The following RAB11FIP3 variants were observed in gnomAD, a reference collection of about 807,000 sequenced individuals.
RAB11FIP3 encodes the protein RAB11 family interacting protein 3.
Under a neutral mutation model 77.8 loss-of-function variants are expected in RAB11FIP3, and 17 were observed. The observed-to-expected ratio is 0.22, with a 90% CI of 0.15 to 0.33. The LOEUF is 0.33. Ranked by LOEUF, RAB11FIP3 falls within the 10% of genes least tolerant of loss-of-function variation. The pLI, the probability that RAB11FIP3 is intolerant of heterozygous loss-of-function variation, is 1.00. For synonymous variants in RAB11FIP3, 437 were observed against 448.2 expected, an observed-to-expected ratio of 0.98 and a Z score of 0.31; for missense variants, 1,005 against 1,011.2, an observed-to-expected ratio of 0.99 and a Z score of 0.08.
At chr16:428,573 G>C (rs2054988576) in intron 1 of RAB11FIP3, among the ~76,000 whole-genome samples, 1 of 152,080 alleles carries the variant, frequency 6.6e-6, no homozygotes. Flanking sequence ...GAGATAGTAG[G>C]TAAGCAGGAT....
At chr16:437,528 C>G (rs2055149846) in intron 1 of RAB11FIP3, among the ~76,000 whole-genome samples, 1 of 147,798 alleles carries the variant, frequency 6.8e-6, no homozygotes, top group Non-Finnish European at 1.5e-5. Context: ...TGAGATAGTG[C>G]CATTGCGCTC....
At chr16:454,186 CA>C (rs2055457769) in intron 1 of RAB11FIP3, among the ~76,000 whole-genome samples, 1 of 152,148 alleles carries the variant, frequency 6.6e-6, no homozygotes, top group African/African-American at 2.4e-5. Flanking sequence ...CATCTAGAGC[CA>C]ACTCTGAGCA....
chr16:445,549 CT>C (rs1426044599), intron 1 of RAB11FIP3, among the ~76,000 whole-genome samples: 1 of 152,208 alleles, frequency 6.6e-6, no homozygotes, highest in Non-Finnish European at 1.5e-5. Context: ...ATTCTATAAT[CT>C]CCCCCTTGCC....
chr16:434,781 T>C (rs1271350802), intron 1 of RAB11FIP3, among the ~76,000 whole-genome samples: 1 of 152,016 alleles, frequency 6.6e-6, no homozygotes. Context: ...TTGTTAAGGA[T>C]GGCCGGACGC....
chr16:488,948 A>C lies in RAB11FIP3; in HGVS notation c.1213A>C (p.Thr405Pro). The change falls in exon 5 of 14, where the codon ACC becomes CCC. Residue 405 changes from threonine to proline, a missense_variant. Thr to Pro is a conservative substitution (Grantham distance 38). Transcript: ENST00000262305. The part of the protein sequence containing the change: ...EGSEAELSPE[T>P]LCNGQLGCSD... ...CAGTGAGGCGGAGCTGTCCCCAGAG[A>C]CCCTATGCAACGGGCAGCTGGGCTG... is the stretch of plus-strand genomic sequence containing the variant. The C allele has an allele frequency of 6.2e-7, 1 of 1,613,704 alleles. No individual in the cohort carries two copies. The highest frequency in any genetic ancestry group is 1.7e-5 in the Admixed American group (1 of 59,976).
Position 426,437 on chromosome 16 carries a change from G to T in RAB11FIP3, c.431G>T (p.Arg144Leu). 2 of 1,584,774 alleles carry T rather than the reference G, an allele frequency of 1.3e-6. No homozygotes were observed. Among genetic ancestry groups the T allele is most frequent in the Non-Finnish European group, 1.7e-6 (2 of 1,167,018 alleles). ...PASCPESAPF[R>L]LQGSSSSHRA... Reference sequence around the variant, plus strand: ...AGCTGCCCGGAGAGCGCGCCTTTCCGCTTGCAGGGGTCCAGCAGCAGCCAC... The same window carrying T: ...AGCTGCCCGGAGAGCGCGCCTTTCCTCTTGCAGGGGTCCAGCAGCAGCCAC... The change falls in exon 1 of 14, where the codon CGC becomes CTC. Residue 144 changes from arginine to leucine, a missense_variant. Around this residue, in one of 4 missense-constraint regions of RAB11FIP3, gnomAD observed 466 missense variants for 408.3 expected, o/e 1.14. Transcript: ENST00000262305. This position sits in a 1 kb window ranked among gnomAD's most constrained non-coding sequence, Gnocchi z 5.0.
intron 6 of RAB11FIP3, among the ~76,000 whole-genome samples, chr16:500,055 G>A (rs1483683001): frequency 6.6e-6 from 1 of 152,138 alleles, no homozygotes; most frequent in African/African-American, 2.4e-5. Context: ...TGTAGCCCCC[G>A]GGCCTGGCTG....
At chr16:511,542 C>T (rs1454732077) in intron 9 of RAB11FIP3, among the ~76,000 whole-genome samples, 16 of 73,680 alleles carry the variant, frequency 2.2e-4, no homozygotes, top group Admixed American at 2.6e-4. Flanking sequence ...AGAAGTTCCC[C>T]GACGGCCCGC....
At position 426,062 on chromosome 16, in the gene RAB11FIP3, C is replaced by G. The variant is rs1463993945; in HGVS notation, c.56C>G (p.Pro19Arg). The change falls in exon 1 of 14, where the codon CCG becomes CGG. Residue 19 changes from proline to arginine, a missense_variant. By Grantham distance (103) the Pro-to-Arg change is moderately radical. Coordinates refer to ENST00000262305, the MANE Select transcript of RAB11FIP3 (RefSeq NM_014700.4). The surrounding 1 kb of genome is among the most constrained non-coding windows in gnomAD (Gnocchi z 5.0). ...PPGSEPPGPD[P>R]EPGGPDGPGA... ...GGCTCGGAGCCGCCGGGGCCCGACC[C>G]GGAGCCGGGCGGGCCGGACGGGCCG... is the stretch of plus-strand genomic sequence containing the variant. The G allele has an allele frequency of 1.0e-5, 10 of 999,594 alleles. No individual in the cohort carries two copies. The highest frequency in any genetic ancestry group is 1.8e-5 in the African/African-American group (1 of 56,968). The allele number at this position is 999,594 out of a possible 1,614,324, so 61.9% of individuals were successfully genotyped here. A position where few individuals can be genotyped will look rare whatever the true frequency, so the allele number is the denominator to read the frequency against.
intron 9 of RAB11FIP3, among the ~76,000 whole-genome samples, chr16:515,695 C>G (rs947029714): frequency 6.7e-5 from 10 of 149,244 alleles, no homozygotes; most frequent in African/African-American, 2.2e-4. Flanking sequence ...GGGCGACACG[C>G]ACCGGTGTTT....
Position 507,613 on chromosome 16 carries a change from G to A in RAB11FIP3, c.1499+1986G>A, listed in dbSNP as rs1438019858. Among the ~76,000 whole-genome samples the A allele has an allele frequency of 7.9e-5, 12 of 152,182 alleles. No individual in the cohort carries two copies. The highest frequency in any genetic ancestry group is 2.1e-4 in the South Asian group (1 of 4,832). ...TCTGGAGTATGTTCATCTGTTTTCC[G>A]TGTGTGTGGTGTGAAGTCCACACTG... On this transcript the variant is annotated intron_variant, in intron 8 of 13. Coordinates refer to ENST00000262305, the MANE Select transcript of RAB11FIP3 (RefSeq NM_014700.4). This position sits in a 1 kb window ranked among gnomAD's most constrained non-coding sequence, Gnocchi z 4.6.
chr16:511,026 A>C (rs1188314320), intron 9 of RAB11FIP3, among the ~76,000 whole-genome samples: 1 of 145,922 alleles, frequency 6.9e-6, no homozygotes, highest in African/African-American at 2.6e-5. Context: ...CGCCAACCCC[A>C]GAACCTGCCG....
rs566390864 is a variant in RAB11FIP3, at chr16:471,233, CA to C, written c.809-61del. ...CCTTCCCAGGGAGTCCCGAGGCCGC[CA>C]GGGGTCCCGTCACTGGGTGGCTATG... On this transcript the variant is annotated intron_variant, in intron 2 of 13. Coordinates refer to ENST00000262305, the MANE Select transcript of RAB11FIP3 (RefSeq NM_014700.4). This position sits in a 1 kb window ranked among gnomAD's most constrained non-coding sequence, Gnocchi z 4.4. 1.2e-3 allele frequency: 1,778 copies of C among 1,465,906 alleles called. 22 individuals are homozygous for C. In the African/African-American group the frequency reaches 0.022, roughly 18 times the overall value. The allele number at this position is 1,465,906 out of a possible 1,614,324, so 90.8% of individuals were successfully genotyped here.
At chr16:500,291 G>A (rs2031419843) in intron 6 of RAB11FIP3, among the ~76,000 whole-genome samples, 2 of 152,228 alleles carry the variant, frequency 1.3e-5, no homozygotes, top group Non-Finnish European at 2.9e-5. Flanking sequence ...GCCCTGTGGG[G>A]CAGGTCAGGC....
chr16:474,991 G>T (rs1450091625), intron 3 of RAB11FIP3: 2 of 1,551,712 alleles, frequency 1.3e-6, no homozygotes, highest in South Asian at 1.2e-5. Flanking sequence ...CAGTGACCCG[G>T]TTGGGACGGA....
chr16:440,696 G>A (rs893903138), intron 1 of RAB11FIP3, among the ~76,000 whole-genome samples: 2 of 152,258 alleles, frequency 1.3e-5, no homozygotes, highest in African/African-American at 4.8e-5. Context: ...TCCCTTATGG[G>A]AAGGAAGACT....
At chr16:495,854 G>A (rs1190236931) in intron 5 of RAB11FIP3, among the ~76,000 whole-genome samples, 4 of 152,144 alleles carry the variant, frequency 2.6e-5, no homozygotes, top group Non-Finnish European at 5.9e-5. Context: ...GGGTTCAAGC[G>A]AGTCTCCTGT....
At chr16:473,803 G>A (rs2141691516) in intron 3 of RAB11FIP3, among the ~76,000 whole-genome samples, 1 of 152,264 alleles carries the variant, frequency 6.6e-6, no homozygotes, top group South Asian at 2.1e-4. Flanking sequence ...TGTATTCCGT[G>A]TTTTGACAGG....
At chr16:496,076 C>G (rs967562684) in intron 5 of RAB11FIP3, among the ~76,000 whole-genome samples, 1 of 152,144 alleles carries the variant, frequency 6.6e-6, no homozygotes, top group African/African-American at 2.4e-5. Flanking sequence ...CTGCCTGACC[C>G]TGGAAAGAAA....
Sources: allele counts gnomAD v4.1 joint callset (sites outside exome capture counted in the v4.1 genomes callset), GRCh38; gene constraint gnomAD v4.1.1; regional missense constraint gnomAD v4.1.1; non-coding constraint Gnocchi (gnomAD v3.1); transcripts MANE v1.5; gene names NCBI Gene and HGNC (gene_info 2026-07-23, HGNC 2026-07-21).